SCAF11: variants seen among roughly 807,000 people sequenced by gnomAD.
The protein encoded by SCAF11 is protein SCAF11.
SCAF11 carries 47 observed loss-of-function variants against 140.5 expected under a neutral mutation model. The ratio of observed to expected loss-of-function variants is 0.33; its 90% confidence interval spans 0.26 to 0.43. The LOEUF (loss-of-function observed/expected upper bound fraction) is 0.43, where lower values mean the gene tolerates loss of function less well. Among genes scored for constraint, SCAF11 ranks in the 20% least tolerant of loss-of-function variants. SCAF11 has a pLI of 1.00. For synonymous variants in SCAF11, 557 were observed against 579.4 expected (o/e 0.96, Z 0.55); for missense variants, 1,645 against 1,705.1 (o/e 0.96, Z 0.62).
chr12:45,971,106 T>A (rs979410339), intron 1 of SCAF11, among the ~76,000 whole-genome samples: 1 of 152,216 alleles, frequency 6.6e-6, no homozygotes, highest in African/African-American at 2.4e-5. Flanking sequence ...ATACATTTAT[T>A]TAGAAAGTTC....
chr12:45,988,671 T>C (rs1450595462), intron 1 of SCAF11, among the ~76,000 whole-genome samples: 1 of 152,222 alleles, frequency 6.6e-6, no homozygotes, highest in Admixed American at 6.5e-5. Context: ...TCTTCTACAG[T>C]TTTCTTCCCC....
chr12:45,926,905 C>T lies in SCAF11; in HGVS notation c.2796G>A (p.Trp932Ter), dbSNP rs980952506. The T allele has an allele frequency of 1.2e-6, 2 of 1,613,438 alleles. No individual in the cohort carries two copies. The highest frequency in any genetic ancestry group is 1.7e-6 in the Non-Finnish European group (2 of 1,179,990). ...RRERERRTRK[W>*]SRSRSHSRSP... The stretch of plus-strand genomic sequence containing the variant: ...ACCTAGAATGAGATCTGGACCTAGA[C>T]CACTTTCTGGTTCTCCTTTCTCTCT... Residue 932 changes from tryptophan (W) to a stop codon, truncating the protein, a stop_gained, in exon 11 of 15, where the codon TGG (tryptophan) becomes TGA (stop). Coordinates refer to ENST00000369367, the MANE Select transcript of SCAF11 (RefSeq NM_004719.3). LOFTEE classifies it high-confidence loss of function.
rs1565689016 is a variant in SCAF11 at position 45,972,929 on chromosome 12, GATATATATAGATATATAT to G, written c.-21-8759_-21-8742del. Among the ~76,000 whole-genome samples the G allele has an allele frequency of 8.1e-5, 7 of 86,534 alleles. 1 individual carries two copies. Among genetic ancestry groups the G allele is most frequent in the South Asian group, 5.9e-4 (2 of 3,392 alleles). 56.8% of individuals were successfully genotyped at this position (86,534 alleles called of 152,430 possible). Reference sequence around the variant, plus strand: ...ATATAGATATATATATAGATATATAGATATATATAGATATATATATAGATATATAGATATATATATAGA... The same window carrying G: ...ATATAGATATATATATAGATATATAGATAGATATATAGATATATATATAGA... On this transcript the variant is annotated intron_variant, in intron 1 of 14. Coordinates refer to ENST00000369367, the MANE Select transcript of SCAF11 (RefSeq NM_004719.3).
At chr12:45,968,191 G>C (rs1206014144) in intron 1 of SCAF11, among the ~76,000 whole-genome samples, 1 of 152,072 alleles carries the variant, frequency 6.6e-6, no homozygotes, top group Non-Finnish European at 1.5e-5. Flanking sequence ...AAGTCAAATT[G>C]TATTTTCTTT....
At chr12:45,945,392 C>T in intron 5 of SCAF11, 79 bp from the exon 6 acceptor site, 2 of 822,568 alleles carry the variant, frequency 2.4e-6, no homozygotes, top group East Asian at 4.9e-5. Context: ...TCATTCTCCT[C>T]CATCAAAATG....
In SCAF11 at chr12:45,927,503, A is replaced by G. The variant is rs770782081; in HGVS notation, c.2198T>C (p.Val733Ala). The change falls in exon 11 of 15, where the codon GTT (valine) becomes GCT (alanine). Residue 733 changes from valine (V) to alanine (A), a missense_variant. Physicochemically the swap from Val to Ala is moderately conservative, Grantham distance 64. This residue lies in a region of SCAF11 where 1,582 missense variants were observed against 1,609.2 expected (regional missense o/e 0.98). Transcript: ENST00000369367. ...SFCSDQNESE[V>A]EPSVNADLKQ... ...AAGATCAGCATTTACAGATGGTTCA[A>G]CTTCAGATTCATTTTGGTCACTGCA... is the stretch of plus-strand genomic sequence containing the variant. 1 of 1,613,820 alleles carries G rather than the reference A, an allele frequency of 6.2e-7. No individual in the cohort carries two copies. Among genetic ancestry groups the G allele is most frequent in the South Asian group, 1.1e-5 (1 of 91,050 alleles).
At chr12:45,941,937 C>A (rs192255524) in intron 6 of SCAF11, among the ~76,000 whole-genome samples, 117 of 152,316 alleles carry the variant, frequency 7.7e-4, no homozygotes, top group African/African-American at 2.6e-3. Flanking sequence ...GCAAGACCAA[C>A]CCCTTCTCTT....
At chr12:45,922,769 C>G (rs1276053839) in intron 13 of SCAF11, among the ~76,000 whole-genome samples, 167 bp downstream of exon 13, 1 of 152,062 alleles carries the variant, frequency 6.6e-6, no homozygotes, top group Non-Finnish European at 1.5e-5. Flanking sequence ...AAAATATTAC[C>G]AGTAATTTAC....
intron 11 of SCAF11, among the ~76,000 whole-genome samples, chr12:45,925,282 G>T (rs1432125084): frequency 6.6e-6 from 1 of 152,200 alleles, no homozygotes; most frequent in Non-Finnish European, 1.5e-5. Flanking sequence ...GCGAGGCACG[G>T]TGGCTCAAGC....
chr12:45,978,293 T>C (rs1946278932), intron 1 of SCAF11, among the ~76,000 whole-genome samples: 1 of 152,158 alleles, frequency 6.6e-6, no homozygotes, highest in Non-Finnish European at 1.5e-5. Flanking sequence ...CAATCTTCAT[T>C]TATCCTCAAG....
In SCAF11 at chr12:45,972,961, TATATATATAG is replaced by T. The variant is rs1405013996; in HGVS notation, c.-21-8783_-21-8774del. ...ATAGATATATATATAGATATATAGA[TATATATATAG>T]ATATATAGATATATAGATATAGATA... On this transcript the variant is annotated intron_variant, in intron 1 of 14. Transcript: ENST00000369367. 7.8e-3 allele frequency among the ~76,000 whole-genome samples: 643 copies of T among 82,304 alleles called. 22 individuals are homozygous for T. The highest frequency in any genetic ancestry group is 0.02 in the African/African-American group (602 of 30,292). 54.0% of individuals were successfully genotyped at this position (82,304 alleles called of 152,430 possible). A position where few individuals can be genotyped will look rare whatever the true frequency, so the allele number is the denominator to read the frequency against.
intron 11 of SCAF11, 106 bp downstream of exon 11, chr12:45,926,033 CTTA>C (rs1482634929): frequency 1.8e-5 from 21 of 1,180,876 alleles, no homozygotes; most frequent in African/African-American, 3.1e-5. Flanking sequence ...TAAGGTTCAG[CTTA>C]TTATAAAAAC....
Position 45,926,249 on chromosome 12 carries a change from C to T in SCAF11, c.3452G>A (p.Arg1151Lys). ...TTGTACATCTGCTGGCAAAGTCTTTCTCACGGCCCAGCTGGATGCAGATGT... is the reference window on the plus strand; with the variant it reads ...TTGTACATCTGCTGGCAAAGTCTTTTTCACGGCCCAGCTGGATGCAGATGT... Reference protein sequence around the residue: ...GWTSASSWAVRKTLPADVQNY... With the variant: ...GWTSASSWAVKKTLPADVQNY... The change falls in exon 11 of 15, where the codon AGA becomes AAA. Residue 1151 changes from arginine to lysine, a missense_variant. Transcript: ENST00000369367. 6.2e-7 allele frequency: 1 copy of T among 1,614,194 alleles called. No homozygotes were observed. The highest frequency in any genetic ancestry group is 8.5e-7 in the Non-Finnish European group (1 of 1,180,028).
rs1315043727 is a variant in SCAF11, at chr12:45,969,782, G to A, written c.-21-5594C>T. 3.3e-5 allele frequency among the ~76,000 whole-genome samples: 5 copies of A among 152,224 alleles called. No homozygotes were observed. In the East Asian group the frequency reaches 9.6e-4, roughly 29 times the overall value. On this transcript the variant is annotated intron_variant, in intron 1 of 14. Transcript: ENST00000369367. ...GAAACAGTCTTGCTCTGTCGTCCAG[G>A]CTGGAGCGTGGTGGCACAATTACAG...
In SCAF11 at chr12:45,931,615, GA is replaced by G; in HGVS notation, c.735-4del. 1 of 1,440,290 alleles carries G rather than the reference GA, an allele frequency of 6.9e-7. No homozygotes were observed. The highest frequency in any genetic ancestry group is 9.3e-7 in the Non-Finnish European group (1 of 1,077,716). The allele number at this position is 1,440,290 out of a possible 1,614,324, so 89.2% of individuals were successfully genotyped here. On this transcript the variant is annotated splice_region_variant and splice_polypyrimidine_tract_variant and intron_variant, in intron 9 of 14. Transcript: ENST00000369367. Reference sequence around the variant, plus strand: ...CATTCCAGGGTATAAAACCAATTCTGAAAACATAATAAAGACATTTTTGTTT... The same window carrying G: ...CATTCCAGGGTATAAAACCAATTCTGAAACATAATAAAGACATTTTTGTTT...
intron 2 of SCAF11, among the ~76,000 whole-genome samples, chr12:45,962,103 C>T (rs920879944): frequency 3.3e-5 from 5 of 152,196 alleles, no homozygotes; most frequent in Middle Eastern, 3.4e-3. Flanking sequence ...AATATTCACA[C>T]GGATCAAAAA....
At chr12:45,958,939 C>T (rs1945762306) in intron 3 of SCAF11, among the ~76,000 whole-genome samples, 1 of 152,138 alleles carries the variant, frequency 6.6e-6, no homozygotes, top group Admixed American at 6.5e-5. Flanking sequence ...TTTCAAAACA[C>T]CAGTTTCTTA....
At chr12:45,948,310 C>G (rs1014785222) in intron 5 of SCAF11, 127 bp downstream of exon 5, 2 of 623,424 alleles carry the variant, frequency 3.2e-6, no homozygotes, top group African/African-American at 3.8e-5. Context: ...CTTAAATTAT[C>G]AAGTGTGTGC....
chr12:45,971,316 A>G (rs996143976), intron 1 of SCAF11, among the ~76,000 whole-genome samples: 1 of 152,248 alleles, frequency 6.6e-6, no homozygotes, highest in African/African-American at 2.4e-5. Flanking sequence ...AAATATATCA[A>G]AAGTGAGATC....
Sources: allele counts gnomAD v4.1 joint callset (sites outside exome capture counted in the v4.1 genomes callset), GRCh38; gene constraint gnomAD v4.1.1; regional missense constraint gnomAD v4.1.1; transcripts MANE v1.5; gene names NCBI Gene and HGNC (gene_info 2026-07-23, HGNC 2026-07-21).